The following PLXNC1 variants were observed in gnomAD, a reference collection of about 807,000 sequenced individuals.
The protein encoded by PLXNC1 is plexin C1, also known as plexin-C1.
PLXNC1 carries 75 observed loss-of-function variants against 178.2 expected under a neutral mutation model. The observed-to-expected ratio is 0.42, with a 90% CI of 0.35 to 0.51. PLXNC1 has a LOEUF of 0.51. PLXNC1 is among the 20% of genes least tolerant of loss of function. PLXNC1 has a pLI of 0.02. For missense variants in PLXNC1, 1,503 were observed against 1,984.4 expected (o/e 0.76, Z 4.61); for synonymous variants, 790 against 779.9 (o/e 1.01, Z -0.22).
Position 94,251,444 on chromosome 12 carries a change from G to A in PLXNC1, c.2797G>A (p.Glu933Lys), listed in dbSNP as rs778874742. The change falls in exon 15 of 31, where the codon GAG (glutamate) becomes AAG (lysine). Residue 933 changes from glutamate (E) to lysine (K), a missense_variant. By Grantham distance (56) the Glu-to-Lys change is moderately conservative. Transcript: ENST00000258526. ...CCATCAGGTCAAGCTGGGAAACCTG[G>A]AGCTCTACGTCGAGCAGGAGTCAGT... ...KKVRVKLGNL[E>K]LYVEQESVPS... 3.1e-6 allele frequency: 5 copies of A among 1,611,540 alleles called. No individual in the cohort carries two copies. The highest frequency in any genetic ancestry group is 4.2e-6 in the Non-Finnish European group (5 of 1,177,726).
In PLXNC1 at chr12:94,166,524, G is replaced by GTATTATTAT. The variant is rs55733946; in HGVS notation, c.1063-2593_1063-2585dup. Among the ~76,000 whole-genome samples, 155 of 144,086 alleles carry GTATTATTAT rather than the reference G, an allele frequency of 1.1e-3. 1 individual carries two copies. Among genetic ancestry groups the GTATTATTAT allele is most frequent in the South Asian group, 1.3e-3 (6 of 4,454 alleles). 94.5% of individuals were successfully genotyped at this position (144,086 alleles called of 152,430 possible). A position where few individuals can be genotyped will look rare whatever the true frequency, so the allele number is the denominator to read the frequency against. On this transcript the variant is annotated intron_variant, in intron 1 of 30. Transcript: ENST00000258526. ...AGTAAGTATTAGTACATGTTAGCTGGTATTATTATTATTATTATTATTATT... is the reference window on the plus strand; with the variant it reads ...AGTAAGTATTAGTACATGTTAGCTGGTATTATTATTATTATTATTATTATTATTATTATT...
intron 9 of PLXNC1, among the ~76,000 whole-genome samples, chr12:94,235,968 C>T (rs909717087): frequency 6.6e-6 from 1 of 152,096 alleles, no homozygotes; most frequent in Non-Finnish European, 1.5e-5. Context: ...TAGCTGTCAC[C>T]ACGTAAGAGC....
At chr12:94,278,060 C>G (rs750038233) in intron 21 of PLXNC1, 5 of 455,908 alleles carry the variant, frequency 1.1e-5, no homozygotes, top group African/African-American at 2.0e-5. Context: ...TTGGAGCCCC[C>G]CCTCCCTCTG....
At chr12:94,223,451 T>C (rs1482337097) in intron 6 of PLXNC1, among the ~76,000 whole-genome samples, 1 of 152,228 alleles carries the variant, frequency 6.6e-6, no homozygotes, top group Non-Finnish European at 1.5e-5. Flanking sequence ...CACAGGTTCC[T>C]GGGTCCACCC....
intron 24 of PLXNC1, 100 bp from the exon 25 acceptor site, chr12:94,297,089 C>T (rs1968004264): frequency 8.8e-7 from 1 of 1,134,286 alleles, no homozygotes; most frequent in African/African-American, 1.5e-5. Flanking sequence ...CAAGTAACTT[C>T]AGTATACAGC....
rs1968169086 is a variant in PLXNC1 at position 94,298,656 on chromosome 12, A to G, written c.4099A>G (p.Lys1367Glu). The G allele has an allele frequency of 2.5e-6, 4 of 1,600,496 alleles. No individual in the cohort carries two copies. The highest frequency in any genetic ancestry group is 3.4e-6 in the Non-Finnish European group (4 of 1,176,350). The change falls in exon 27 of 31, where the codon AAA becomes GAA. Residue 1367 changes from lysine to glutamate, a missense_variant. By Grantham distance (56) the Lys-to-Glu change is moderately conservative. Transcript: ENST00000258526. ...GGTGGCAATTCATTCTGTGCTTGAA[A>G]AACTTTTTAGAAGCATTTGGAGTTT... ...TKVAIHSVLEKLFRSIWSLPN... is the reference protein window; with the variant it reads ...TKVAIHSVLEELFRSIWSLPN...
chr12:94,157,312 G>A (rs1049198817), intron 1 of PLXNC1, among the ~76,000 whole-genome samples: 2 of 152,170 alleles, frequency 1.3e-5, no homozygotes, highest in Non-Finnish European at 2.9e-5. Flanking sequence ...GCATACAGTA[G>A]TGTCAAATCT....
chr12:94,265,974 T>C (rs1251723669), intron 21 of PLXNC1, among the ~76,000 whole-genome samples: 1 of 152,234 alleles, frequency 6.6e-6, no homozygotes. Flanking sequence ...GCTTTTCTGT[T>C]AGTAGAGACT....
In PLXNC1 at chr12:94,267,266, AGAG is replaced by A. The variant is rs1358700762; in HGVS notation, c.3597+2043_3597+2045del. 2.0e-5 allele frequency among the ~76,000 whole-genome samples: 3 copies of A among 152,244 alleles called. No homozygotes were observed. The East Asian group carries it at 5.8e-4, about 29-fold the overall frequency. ...AGGAGAAGATGGGTTGGAATCAGGA[AGAG>A]GTCAGATGTCTGAGGCAACTTTTGA... On this transcript the variant is annotated intron_variant, in intron 21 of 30. Coordinates refer to ENST00000258526, the MANE Select transcript of PLXNC1 (RefSeq NM_005761.3).
chr12:94,248,025 C>A lies in PLXNC1; in HGVS notation c.2511C>A (p.Thr837=), dbSNP rs143481985. ...AAGACACCTACTTGGATTGTGGAAC[C>A]CTGCAGTATCGGGAGGACCCCAGAT... ...RVQDTYLDCG[T]LQYREDPRFT... is the part of the protein sequence containing the mutation. Residue 837 remains threonine (T), a synonymous_variant, in exon 13 of 31, where the codon ACC becomes ACA. Coordinates refer to ENST00000258526, the MANE Select transcript of PLXNC1 (RefSeq NM_005761.3). The A allele has an allele frequency of 5.6e-6, 9 of 1,613,952 alleles. No homozygotes were observed. The African/African-American group carries it at 1.2e-4, about 22-fold the overall frequency.
chr12:94,262,540 G>A (rs972723904), intron 20 of PLXNC1: 20 of 985,332 alleles, frequency 2.0e-5, no homozygotes, highest in Non-Finnish European at 2.3e-5. Flanking sequence ...ATTCAAGAGC[G>A]TCTCGAGCAC....
At position 94,307,142 on chromosome 12, in the gene PLXNC1, T is replaced by C. The variant is rs1969121968; in HGVS notation, c.*1857T>C. ...ACATGAGGGTGTCCCTGTCCAGCTTTCTGGCACATGAGTCCTGTGTGGAGA... is the reference window on the plus strand; with the variant it reads ...ACATGAGGGTGTCCCTGTCCAGCTTCCTGGCACATGAGTCCTGTGTGGAGA... On this transcript the variant is annotated 3_prime_UTR_variant, in exon 31 of 31. Coordinates refer to ENST00000258526, the MANE Select transcript of PLXNC1 (RefSeq NM_005761.3). 1 of 152,228 alleles carries C rather than the reference T, an allele frequency of 6.6e-6. No homozygotes were observed. Among genetic ancestry groups the C allele is most frequent in the African/African-American group, 2.4e-5 (1 of 41,446 alleles). 9.4% of individuals were successfully genotyped at this position (152,228 alleles called of 1,614,324 possible). A position where few individuals can be genotyped will look rare whatever the true frequency, so the allele number is the denominator to read the frequency against.
At chr12:94,263,296 C>T (rs1965053835) in intron 20 of PLXNC1, among the ~76,000 whole-genome samples, 1 of 151,946 alleles carries the variant, frequency 6.6e-6, no homozygotes, top group Non-Finnish European at 1.5e-5. Flanking sequence ...TAGAGTGGAG[C>T]TCAGGCATCT....
intron 21 of PLXNC1, among the ~76,000 whole-genome samples, chr12:94,274,349 G>GA (rs1446079458): frequency 2.6e-5 from 4 of 151,740 alleles, no homozygotes. Context: ...AAGAAAGAAA[G>GA]AAAACCCTTG....
At chr12:94,178,364 T>A (rs367821228) in intron 2 of PLXNC1, among the ~76,000 whole-genome samples, 1 of 152,238 alleles carries the variant, frequency 6.6e-6, no homozygotes, top group Non-Finnish European at 1.5e-5. Context: ...TGCCCAATGA[T>A]GCTTTTGCCA....
chr12:94,167,937 C>T (rs961002149), intron 1 of PLXNC1: 1 of 152,162 alleles, frequency 6.6e-6, no homozygotes, highest in Non-Finnish European at 1.5e-5. Flanking sequence ...ATATAGATGG[C>T]ACTTTAAAGG....
intron 6 of PLXNC1, 123 bp downstream of exon 6, chr12:94,220,286 C>T (rs1031514736): frequency 8.8e-6 from 8 of 906,678 alleles, no homozygotes; most frequent in Non-Finnish European, 1.2e-5. Flanking sequence ...CTCACTACCC[C>T]CTGGTTCCCA....
intron 7 of PLXNC1, among the ~76,000 whole-genome samples, chr12:94,224,906 CA>C (rs1328104552): frequency 6.6e-6 from 1 of 152,100 alleles, no homozygotes; most frequent in Non-Finnish European, 1.5e-5. Context: ...ATTGTCTCAA[CA>C]AAAAGAAGGA....
chr12:94,177,137 A>ATATG (rs201041826), intron 2 of PLXNC1, among the ~76,000 whole-genome samples: 32 of 67,406 alleles, frequency 4.7e-4, no homozygotes, highest in South Asian at 7.2e-4. Context: ...GTGTATATAT[A>ATATG]TGTGTGTGTG....
Sources: gnomAD v4.1 joint callset for allele counts (sites outside exome capture counted in the v4.1 genomes callset) on GRCh38, gnomAD v4.1.1 for gene constraint, MANE v1.5 for transcripts, NCBI Gene and HGNC (gene_info 2026-07-23, HGNC 2026-07-21) for gene names.